MIOS: variants seen among roughly 807,000 people sequenced by gnomAD.
MIOS encodes the protein GATOR2 complex protein MIOS.
In MIOS, 52 loss-of-function variants were observed where a neutral mutation model predicts 96.9. The observed-to-expected ratio is 0.54, with a 90% CI of 0.43 to 0.68. The LOEUF (loss-of-function observed/expected upper bound fraction) is 0.68. Ranked by LOEUF, MIOS falls within the 30% of genes least tolerant of loss-of-function variation. The pLI, the probability that MIOS is intolerant of heterozygous loss-of-function variation, is 0.00. For synonymous variants in MIOS, 397 were observed against 359.5 expected (o/e 1.10, Z -1.18); for missense variants, 1,005 against 1,052.8 (o/e 0.95, Z 0.63).
intron 6 of MIOS, among the ~76,000 whole-genome samples, chr7:7,583,927 G>A (rs769368101): frequency 2.6e-4 from 40 of 151,968 alleles, no homozygotes; most frequent in Non-Finnish European, 4.7e-4. Flanking sequence ...AAGAGATAAG[G>A]TTTTTTTACT....
intron 5 of MIOS, among the ~76,000 whole-genome samples, chr7:7,581,196 C>T (rs888919582): frequency 2.0e-5 from 3 of 150,304 alleles, no homozygotes; most frequent in Non-Finnish European, 4.4e-5. Flanking sequence ...GTGGTGTGCA[C>T]CTGTTGAGGC....
chr7:7,588,772 TTTC>T (rs1783963562), intron 8 of MIOS, among the ~76,000 whole-genome samples: 1 of 152,176 alleles, frequency 6.6e-6, no homozygotes, highest in Admixed American at 6.5e-5. Flanking sequence ...TTTTAGTATA[TTTC>T]TTCTTTGGAG....
intron 8 of MIOS, among the ~76,000 whole-genome samples, 161 bp downstream of exon 8, chr7:7,588,724 A>G (rs1346503387): frequency 6.6e-6 from 1 of 152,148 alleles, no homozygotes; most frequent in Admixed American, 6.5e-5. Context: ...GAAAATGTCT[A>G]CCATAACTAA....
rs1783432425 is a variant in MIOS at position 7,573,753 on chromosome 7, C to T, written c.1278C>T (p.Leu426=). Residue 426 remains leucine, a synonymous_variant, in exon 4 of 13, where the codon CTC becomes CTT. Coordinates refer to ENST00000340080, the MANE Select transcript of MIOS (RefSeq NM_019005.4). This position sits in a 1 kb window ranked among gnomAD's most constrained non-coding sequence, Gnocchi z 5.0. ...AGNEDPQLKS[L]WYTLHFMKQY... The stretch of plus-strand genomic sequence containing the variant: ...ATGAAGATCCACAGCTCAAGTCACT[C>T]TGGTATACTCTGCACTATATCCTTT... The T allele has an allele frequency of 1.9e-6, 3 of 1,601,750 alleles. No homozygotes were observed. The highest frequency in any genetic ancestry group is 2.6e-6 in the Non-Finnish European group (3 of 1,173,790).
Position 7,608,404 on chromosome 7 carries a change from G to T in MIOS, c.*1312G>T, listed in dbSNP as rs189208787. On this transcript the variant is annotated 3_prime_UTR_variant, in exon 13 of 13. Coordinates refer to ENST00000340080, the MANE Select transcript of MIOS (RefSeq NM_019005.4). ...CTAAGATTTGTCAGATTAGTTTGAG[G>T]TGTAACCTAAATATTAAAAGTAGAT... is the stretch of plus-strand genomic sequence containing the variant. 5.1e-4 allele frequency: 78 copies of T among 152,096 alleles called. 1 individual carries two copies. In the East Asian group the frequency reaches 0.013, roughly 25 times the overall value. The allele number at this position is 152,096 out of a possible 1,614,324, so 9.4% of individuals were successfully genotyped here.
chr7:7,568,879 G>C (rs1421170896), intron 3 of MIOS, among the ~76,000 whole-genome samples: 1 of 152,178 alleles, frequency 6.6e-6, no homozygotes, highest in Non-Finnish European at 1.5e-5. Flanking sequence ...GGCAATAGAA[G>C]TATTTTAGGT....
chr7:7,597,468 TTATATATATATATATATATA>T (rs1160646084), intron 11 of MIOS, among the ~76,000 whole-genome samples: 3 of 11,696 alleles, frequency 2.6e-4, no homozygotes, highest in African/African-American at 1.4e-3. Flanking sequence ...CCTAGTAAAT[TTATATATATATATATATATA>T]TATATATATA....
chr7:7,597,775 G>A (rs949612877), intron 11 of MIOS, among the ~76,000 whole-genome samples: 11 of 151,090 alleles, frequency 7.3e-5, no homozygotes, highest in African/African-American at 2.4e-4. Flanking sequence ...CTCGGCTCAC[G>A]GCAACCTCTG....
At chr7:7,591,126 A>G (rs1336848392) in intron 9 of MIOS, among the ~76,000 whole-genome samples, 1 of 152,096 alleles carries the variant, frequency 6.6e-6, no homozygotes. Flanking sequence ...TCCTTGTAAT[A>G]TAGGTGACAG....
intron 12 of MIOS, 77 bp downstream of exon 12, chr7:7,606,148 T>TA: frequency 6.5e-7 from 1 of 1,543,122 alleles, no homozygotes; most frequent in Non-Finnish European, 8.8e-7. Context: ...AGTTTGGGTT[T>TA]ATCTATTAGC....
In MIOS at chr7:7,568,740, GA is replaced by G. The variant is rs933678806; in HGVS notation, c.-41+618del. Among the ~76,000 whole-genome samples the G allele has an allele frequency of 2.0e-4, 31 of 152,318 alleles. No individual in the cohort carries two copies. In the East Asian group the frequency reaches 5.8e-3, roughly 28 times the overall value. On this transcript the variant is annotated intron_variant, in intron 3 of 12. Transcript: ENST00000340080. ...TTTGCAGTAATCTAGGACGGAAGTT[GA>G]GAGACCTTGGATAACCACCCAAACA...
intron 7 of MIOS, among the ~76,000 whole-genome samples, chr7:7,587,622 T>C (rs1300034552): frequency 6.6e-6 from 1 of 152,188 alleles, no homozygotes; most frequent in Admixed American, 6.5e-5. Flanking sequence ...TATAACTCTT[T>C]CCAGATCAAA....
At position 7,596,545 on chromosome 7, in the gene MIOS, T is replaced by G. The variant is rs187344140; in HGVS notation, c.2401+84T>G. ...TTAATGTTGCAAATAAAATACAAAC[T>G]AGCTAGAGTTATTATTTCTAAGAAA... On this transcript the variant is annotated intron_variant, in intron 11 of 12. Coordinates refer to ENST00000340080, the MANE Select transcript of MIOS (RefSeq NM_019005.4). 542 of 1,280,196 alleles carry G rather than the reference T, an allele frequency of 4.2e-4. 1 individual carries two copies. In the African/African-American group the frequency reaches 6.7e-3, roughly 16 times the overall value. 79.3% of individuals were successfully genotyped at this position (1,280,196 alleles called of 1,614,324 possible).
intron 5 of MIOS, chr7:7,581,985 G>A (rs1351357333): frequency 1.3e-5 from 2 of 148,998 alleles, no homozygotes; most frequent in Admixed American, 6.7e-5. Flanking sequence ...TACGCAAGGG[G>A]AGGGGTTTAC....
At chr7:7,589,589 T>TA (rs760134960) in intron 9 of MIOS, 26 bp downstream of exon 9, 1 of 1,569,642 alleles carries the variant, frequency 6.4e-7, no homozygotes, top group Non-Finnish European at 8.6e-7. Flanking sequence ...CAGCAGCTTT[T>TA]AAAAAAGTAA....
intron 8 of MIOS, 61 bp from the exon 9 acceptor site, chr7:7,589,344 T>G: frequency 7.6e-6 from 11 of 1,448,648 alleles, no homozygotes; most frequent in African/African-American, 1.4e-5. Flanking sequence ...AAATGTAGTT[T>G]TGAAGTACAA....
intron 9 of MIOS, among the ~76,000 whole-genome samples, chr7:7,593,463 A>C (rs1382613759): frequency 1.3e-5 from 2 of 152,024 alleles, no homozygotes; most frequent in East Asian, 3.9e-4. Flanking sequence ...TCACTTTTCT[A>C]TTGGCCCTCA....
intron 11 of MIOS, among the ~76,000 whole-genome samples, chr7:7,601,604 CAGG>C (rs756688407): frequency 1.8e-3 from 279 of 152,186 alleles, no homozygotes; most frequent in Middle Eastern, 3.4e-3. Flanking sequence ...AAAAAAAGTC[CAGG>C]ACCAGATGGA....
intron 7 of MIOS, among the ~76,000 whole-genome samples, chr7:7,586,167 TG>T (rs1783881148): frequency 1.5e-4 from 1 of 6,522 alleles, no homozygotes; most frequent in Non-Finnish European, 6.0e-4. Flanking sequence ...TGTGTGTGTG[TG>T]TGTGTGTGTG....
Sources: gnomAD v4.1 joint callset for allele counts (sites outside exome capture counted in the v4.1 genomes callset) on GRCh38, gnomAD v4.1.1 for gene constraint, Gnocchi (gnomAD v3.1) non-coding constraint, MANE v1.5 for transcripts, NCBI Gene and HGNC (gene_info 2026-07-23, HGNC 2026-07-21) for gene names.